Variants in PBX1 observed in about 807,000 individuals in gnomAD.
PBX1 encodes PBX homeobox 1.
Under a neutral mutation model 53.4 loss-of-function variants are expected in PBX1, and 6 were observed. That is an observed-to-expected ratio of 0.11 (90% CI 0.06 to 0.22). PBX1 has a LOEUF of 0.22. Among genes scored for constraint, PBX1 ranks in the 10% least tolerant of loss-of-function variants. The probability of loss-of-function intolerance (pLI) is 1.00; values close to 1 mark genes in which losing one functional copy is unlikely to be tolerated. For synonymous variants in PBX1, 204 were observed against 212.3 expected (o/e 0.96, Z 0.34); for missense variants, 251 against 551.4 (o/e 0.46, Z 5.46).
At chr1:164,749,400 G>A (rs1666075231) in intron 2 of PBX1, among the ~76,000 whole-genome samples, 1 of 152,176 alleles carries the variant, frequency 6.6e-6, no homozygotes, top group African/African-American at 2.4e-5. Flanking sequence ...ATAGGTGAAA[G>A]TAATGATGAA....
intron 8 of PBX1, among the ~76,000 whole-genome samples, chr1:164,835,890 A>T (rs558889483): frequency 6.6e-6 from 1 of 152,288 alleles, no homozygotes; most frequent in Admixed American, 6.5e-5. Flanking sequence ...CTACAATCTG[A>T]ACTAGCTTGA....
rs1398620192 is a variant in PBX1 at position 164,881,087 on chromosome 1, TCTGGTACCCAA to T, written n.258-18097_258-18087del. ...TATGAACATTGCTACACTCTGGCTT[TCTGGTACCCAA>T]CTGCAGCCAAGACAGCCCTCCCCTT... On this transcript the variant is annotated intron_variant and non_coding_transcript_variant, in intron 2 of 2. Coordinates refer to the PBX1 transcript ENST00000558796. 2.6e-5 allele frequency among the ~76,000 whole-genome samples: 4 copies of T among 152,212 alleles called. No individual in the cohort carries two copies. In the East Asian group the frequency reaches 7.7e-4, roughly 29 times the overall value.
intron 2 of PBX1, among the ~76,000 whole-genome samples, chr1:164,701,466 G>A (rs1304337278): frequency 6.6e-6 from 1 of 152,224 alleles, no homozygotes. Context: ...ACCCCTGCGG[G>A]TGTGGGTGTT....
At chr1:164,585,637 TTC>T in intron 2 of PBX1, among the ~76,000 whole-genome samples, 1 of 152,294 alleles carries the variant, frequency 6.6e-6, no homozygotes, top group Admixed American at 6.5e-5. Flanking sequence ...ACCAGTTCCT[TTC>T]TCTGATTCTT....
intron 2 of PBX1, chr1:164,642,766 T>C (rs1659221744): frequency 6.6e-6 from 1 of 152,180 alleles, no homozygotes; most frequent in Admixed American, 6.5e-5. Context: ...AGTCTAGTTC[T>C]GGAGACTGGA....
intron 8 of PBX1, among the ~76,000 whole-genome samples, chr1:164,837,823 A>T (rs1458494674): frequency 6.6e-6 from 1 of 152,168 alleles, no homozygotes; most frequent in African/African-American, 2.4e-5. Flanking sequence ...TCCTATTTGT[A>T]CTTTTAACAG....
intron 2 of PBX1, among the ~76,000 whole-genome samples, chr1:164,677,290 C>T (rs1661490474): frequency 6.6e-6 from 1 of 151,220 alleles, no homozygotes; most frequent in Non-Finnish European, 1.5e-5. Flanking sequence ...GACGGGGTTT[C>T]ACCTTGTTAG....
chr1:164,815,810 G>A (rs934213716), intron 6 of PBX1: 1 of 152,112 alleles, frequency 6.6e-6, no homozygotes, highest in Non-Finnish European at 1.5e-5. Flanking sequence ...GGGACCGTGG[G>A]GATTATGGGG....
chr1:164,624,471 T>A (rs1326582956), intron 2 of PBX1, among the ~76,000 whole-genome samples: 1 of 152,240 alleles, frequency 6.6e-6, no homozygotes, highest in African/African-American at 2.4e-5. Flanking sequence ...AGGCATGCAT[T>A]CCTTCAGCTG....
At chr1:164,835,432 A>G (rs890704860) in intron 8 of PBX1, among the ~76,000 whole-genome samples, 1 of 152,106 alleles carries the variant, frequency 6.6e-6, no homozygotes, top group African/African-American at 2.4e-5. Flanking sequence ...CTATTAATTT[A>G]TGGTTCTCAC....
chr1:164,689,854 C>A (rs937599164), intron 2 of PBX1, among the ~76,000 whole-genome samples: 12 of 152,064 alleles, frequency 7.9e-5, no homozygotes, highest in African/African-American at 2.9e-4. Context: ...ACCTATCCCT[C>A]CCCCTCCCCT....
intron 2 of PBX1, among the ~76,000 whole-genome samples, chr1:164,710,608 T>G (rs1475280078): frequency 1.3e-5 from 2 of 151,938 alleles, no homozygotes; most frequent in African/African-American, 4.8e-5. Flanking sequence ...ACGGGGTTTC[T>G]CCATGTTGGT....
intron 2 of PBX1, among the ~76,000 whole-genome samples, chr1:164,872,474 GT>G (rs1672405730): frequency 6.6e-6 from 1 of 152,144 alleles, no homozygotes; most frequent in East Asian, 1.9e-4. Flanking sequence ...TGCCTCTGCT[GT>G]TTTTTGCTCT....
At chr1:164,884,313 A>G (rs1407412729) in intron 2 of PBX1, among the ~76,000 whole-genome samples, 1 of 152,110 alleles carries the variant, frequency 6.6e-6, no homozygotes, top group African/African-American at 2.4e-5. Flanking sequence ...AGTGGCTTCA[A>G]TTTTTGGTGG....
intron 2 of PBX1, among the ~76,000 whole-genome samples, chr1:164,712,020 A>AC (rs1371223463): frequency 4.0e-5 from 5 of 125,256 alleles, no homozygotes; most frequent in African/African-American, 8.7e-5. Flanking sequence ...CCCACCTCAA[A>AC]CCCCCCCACC....
In PBX1 at chr1:164,850,074, A is replaced by G. The variant is rs1319726161; in HGVS notation, c.*3398A>G. ...AAAACCAAAAAAGCGGTCTGAATTT[A>G]ATAGTGTTTATAATAAAAATTTTAA... On this transcript the variant is annotated 3_prime_UTR_variant, in exon 9 of 9. Coordinates refer to ENST00000420696, the MANE Select transcript of PBX1 (RefSeq NM_002585.4). 4.4e-6 allele frequency: 1 copy of G among 227,092 alleles called. No individual in the cohort carries two copies. The highest frequency in any genetic ancestry group is 2.2e-5 in the African/African-American group (1 of 45,020). The allele number at this position is 227,092 out of a possible 1,614,324, so 14.1% of individuals were successfully genotyped here. A position where few individuals can be genotyped will look rare whatever the true frequency, so the allele number is the denominator to read the frequency against.
Position 164,841,822 on chromosome 1 carries a change from G to A in PBX1, c.1201-4762G>A, listed in dbSNP as rs185887136. The stretch of plus-strand genomic sequence containing the variant: ...CGTGTCTCTGTTTTTCTTCCCGGCC[G>A]TTCCCAACAGTGACTGGGTGATTGA... On this transcript the variant is annotated intron_variant, in intron 8 of 8. Transcript: ENST00000420696. Among the ~76,000 whole-genome samples the A allele has an allele frequency of 3.0e-3, 461 of 152,184 alleles. 2 individuals are homozygous for A. Among genetic ancestry groups the A allele is most frequent in the African/African-American group, 0.01 (433 of 41,502 alleles).
intron 2 of PBX1, among the ~76,000 whole-genome samples, chr1:164,623,651 TG>T (rs1216134219): frequency 6.6e-6 from 1 of 152,218 alleles, no homozygotes; most frequent in Non-Finnish European, 1.5e-5. Flanking sequence ...TTTGTCTCTC[TG>T]TGTCTCTGTC....
chr1:164,776,000 A>G (rs1007793189), intron 2 of PBX1, among the ~76,000 whole-genome samples: 2 of 152,156 alleles, frequency 1.3e-5, no homozygotes, highest in African/African-American at 4.8e-5. Context: ...ATCTCTGTAT[A>G]CTAATAATCG....
Sources: allele counts gnomAD v4.1 joint callset (sites outside exome capture counted in the v4.1 genomes callset), GRCh38; gene constraint gnomAD v4.1.1; transcripts MANE v1.5; gene names NCBI Gene and HGNC (gene_info 2026-07-23, HGNC 2026-07-21).